The following AACS variants were observed in gnomAD, a reference collection of about 807,000 sequenced individuals.
The protein encoded by AACS is acetoacetate-CoA ligase.
Under a neutral mutation model 83.1 loss-of-function variants are expected in AACS, and 69 were observed. The ratio of observed to expected loss-of-function variants is 0.83; its 90% CI spans 0.68 to 1.01. The LOEUF is 1.01. AACS is among the 50% of genes least tolerant of loss of function. The pLI, the probability that AACS is intolerant of heterozygous loss-of-function variation, is 0.00. For synonymous variants in AACS, 333 were observed against 343.4 expected, an observed-to-expected ratio of 0.97 and a Z score of 0.33; for missense variants, 866 against 882.2, an observed-to-expected ratio of 0.98 and a Z score of 0.23.
rs188560980 is a variant in AACS, at chr12:125,086,452, T to C, written c.472+9T>C. 4.2e-4 allele frequency: 680 copies of C among 1,613,728 alleles called. 3 individuals carry two copies. In the African/African-American group the frequency reaches 6.9e-3, roughly 16 times the overall value. Reference sequence around the variant, plus strand: ...AGGAGATCGGGTTGTTGGTAAGTATTTTGGGTGCTGGTGATGGTTTGAGGG... The same window carrying C: ...AGGAGATCGGGTTGTTGGTAAGTATCTTGGGTGCTGGTGATGGTTTGAGGG... On this transcript the variant is annotated intron_variant, in intron 4 of 17. Transcript: ENST00000316519.
chr12:125,122,022 G>A (rs1957161272), intron 10 of AACS: 1 of 152,374 alleles, frequency 6.6e-6, no homozygotes, highest in African/African-American at 2.4e-5. Flanking sequence ...CTGGGGTCAG[G>A]GAGTCCTCGA....
At chr12:125,087,953 C>T (rs887826293) in intron 4 of AACS, among the ~76,000 whole-genome samples, 2 of 152,192 alleles carry the variant, frequency 1.3e-5, no homozygotes, top group African/African-American at 2.4e-5. Flanking sequence ...CCTGGCTTGT[C>T]GGGGTTGCCT....
chr12:125,076,611 A>G lies in AACS; in HGVS notation c.358A>G (p.Arg120Gly). The change falls in exon 3 of 18, where the codon AGG (arginine) becomes GGG (glycine). Residue 120 changes from arginine (R) to glycine (G), a missense_variant and splice_region_variant. Physicochemically the swap from Arg to Gly is moderately radical, Grantham distance 125. Coordinates refer to ENST00000316519, the MANE Select transcript of AACS (RefSeq NM_023928.5). Reference protein sequence around the residue: ...ENDRVALYIAREGKEEIVKVT... With the variant: ...ENDRVALYIAGEGKEEIVKVT... The stretch of plus-strand genomic sequence containing the variant: ...TGACAGAGTTGCCCTTTACATTGCA[A>G]GTAAGTCCTGATGGCGAGACCTGGG... 1 of 1,614,004 alleles carries G rather than the reference A, an allele frequency of 6.2e-7. No individual in the cohort carries two copies. Among genetic ancestry groups the G allele is most frequent in the Non-Finnish European group, 8.5e-7 (1 of 1,179,930 alleles).
At chr12:125,075,835 G>A (rs191031810) in intron 2 of AACS, among the ~76,000 whole-genome samples, 121 of 151,624 alleles carry the variant, frequency 8.0e-4, no homozygotes, top group Non-Finnish European at 1.2e-3. Context: ...CTTGTGACCC[G>A]CCTGCCTCGG....
At chr12:125,074,972 A>G (rs1955982967) in intron 2 of AACS, among the ~76,000 whole-genome samples, 1 of 109,698 alleles carries the variant, frequency 9.1e-6, no homozygotes, top group African/African-American at 3.5e-5. Context: ...CCACATTGTC[A>G]TAGTTTTTTT....
intron 10 of AACS, 44 bp from the exon 11 acceptor site, chr12:125,124,661 G>C (rs749034583): frequency 2.7e-5 from 43 of 1,608,526 alleles, no homozygotes; most frequent in Non-Finnish European, 3.7e-5. Flanking sequence ...TGGTGCAAGA[G>C]CCTTGAAGAG....
chr12:125,125,593 C>T (rs1957234577), intron 12 of AACS: 1 of 152,538 alleles, frequency 6.6e-6, no homozygotes, highest in Non-Finnish European at 1.5e-5. Flanking sequence ...GTGTAACATA[C>T]CTTTTAGTGA....
chr12:125,132,418 T>C (rs949861772), intron 14 of AACS, among the ~76,000 whole-genome samples: 4 of 152,190 alleles, frequency 2.6e-5, no homozygotes, highest in Non-Finnish European at 5.9e-5. Flanking sequence ...ATGTTGTTGC[T>C]GGCACCGAAG....
intron 14 of AACS, among the ~76,000 whole-genome samples, chr12:125,131,015 C>A (rs772072273): frequency 2.0e-5 from 3 of 152,102 alleles, no homozygotes; most frequent in African/African-American, 4.8e-5. Flanking sequence ...TAGGAAATGG[C>A]GTGATGGCAA....
At chr12:125,074,491 G>A (rs1955963628) in intron 2 of AACS, among the ~76,000 whole-genome samples, 1 of 151,858 alleles carries the variant, frequency 6.6e-6, no homozygotes, top group African/African-American at 2.4e-5. Flanking sequence ...AGGCTGCAGT[G>A]AGCTGTGACT....
At chr12:125,079,869 C>G (rs1424832374) in intron 3 of AACS, among the ~76,000 whole-genome samples, 3 of 152,164 alleles carry the variant, frequency 2.0e-5, no homozygotes, top group Non-Finnish European at 4.4e-5. Flanking sequence ...CTGTTCCTGC[C>G]TCCCCCAGCT....
Position 125,113,160 on chromosome 12 carries a change from C to T in AACS, c.916-1317C>T, listed in dbSNP as rs1189992029. On this transcript the variant is annotated intron_variant, in intron 8 of 17. Coordinates refer to ENST00000316519, the MANE Select transcript of AACS (RefSeq NM_023928.5). The surrounding 1 kb of genome is among the most constrained non-coding windows in gnomAD (Gnocchi z 4.8). ...GGAGTTTTGGCTCCTGAATGGGAGCCTGTGTTGGATAGGATTGTTCCTGGT... is the reference window on the plus strand; with the variant it reads ...GGAGTTTTGGCTCCTGAATGGGAGCTTGTGTTGGATAGGATTGTTCCTGGT... Among the ~76,000 whole-genome samples the T allele has an allele frequency of 6.6e-6, 1 of 152,182 alleles. No individual in the cohort carries two copies. Among genetic ancestry groups the T allele is most frequent in the African/African-American group, 2.4e-5 (1 of 41,448 alleles).
At chr12:125,084,954 C>G (rs1009279016) in intron 3 of AACS, among the ~76,000 whole-genome samples, 4 of 152,148 alleles carry the variant, frequency 2.6e-5, no homozygotes, top group African/African-American at 9.7e-5. Flanking sequence ...CTCATGTGAT[C>G]TTCCTGCCTT....
At chr12:125,098,956 G>A (rs1057081565) in intron 5 of AACS, among the ~76,000 whole-genome samples, 6 of 152,092 alleles carry the variant, frequency 3.9e-5, no homozygotes, top group African/African-American at 1.4e-4. Flanking sequence ...GGGGGTGTTC[G>A]GCACAGGTGC....
chr12:125,130,699 G>A lies in AACS; in HGVS notation c.1549+1239G>A, dbSNP rs1001935477. Among the ~76,000 whole-genome samples, 2 of 152,172 alleles carry A rather than the reference G, an allele frequency of 1.3e-5. No homozygotes were observed. The highest frequency in any genetic ancestry group is 6.5e-5 in the Admixed American group (1 of 15,270). On this transcript the variant is annotated intron_variant, in intron 14 of 17. Transcript: ENST00000316519. This position sits in a 1 kb window ranked among gnomAD's most constrained non-coding sequence, Gnocchi z 4.9. The stretch of plus-strand genomic sequence containing the variant: ...TTGGAGAAGACAAGTACTTTGTGAC[G>A]TGTTATATTTCCATTTTTGCCTTGG...
chr12:125,066,569 C>T lies in AACS; in HGVS notation c.133+852C>T, dbSNP rs532809889. Among the ~76,000 whole-genome samples, 13 of 151,816 alleles carry T rather than the reference C, an allele frequency of 8.6e-5. No homozygotes were observed. In the South Asian group the frequency reaches 2.7e-3, roughly 32 times the overall value. ...GGTTCAAGTGATTCTCCTGCCTCAG[C>T]CTCCCGAGTAGCTGGGATTACAGGC... On this transcript the variant is annotated intron_variant, in intron 1 of 17. Coordinates refer to ENST00000316519, the MANE Select transcript of AACS (RefSeq NM_023928.5).
chr12:125,089,394 C>T (rs1329863598), intron 4 of AACS, among the ~76,000 whole-genome samples: 1 of 152,152 alleles, frequency 6.6e-6, no homozygotes, highest in Admixed American at 6.5e-5. Flanking sequence ...CTGCACCTCG[C>T]TCTGATGAGG....
At chr12:125,136,554 G>A in intron 16 of AACS, 108 bp from the exon 17 acceptor site, 1 of 846,184 alleles carries the variant, frequency 1.2e-6, no homozygotes, top group Non-Finnish European at 1.9e-6. Context: ...ACCGCTGGAA[G>A]GCTTGGGGGA....
intron 7 of AACS, 43 bp downstream of exon 7, chr12:125,103,124 T>C (rs1956753184): frequency 6.5e-7 from 1 of 1,546,000 alleles, no homozygotes; most frequent in African/African-American, 1.4e-5. Context: ...GTGGACCCAC[T>C]GGAGCTCCTG....
Sources: allele counts gnomAD v4.1 joint callset (sites outside exome capture counted in the v4.1 genomes callset), GRCh38; gene constraint gnomAD v4.1.1; non-coding constraint Gnocchi (gnomAD v3.1); transcripts MANE v1.5; gene names NCBI Gene and HGNC (gene_info 2026-07-23, HGNC 2026-07-21).